The following TANC1 variants were observed in gnomAD, a reference collection of about 807,000 sequenced individuals.
TANC1 encodes tetratricopeptide repeat, ankyrin repeat and coiled-coil containing 1.
In TANC1, 77 loss-of-function variants were observed where a neutral mutation model predicts 149.7. The ratio of observed to expected loss-of-function variants is 0.51; its 90% CI spans 0.43 to 0.62. TANC1 has a LOEUF of 0.62. Ranked by LOEUF, TANC1 falls within the 20% of genes least tolerant of loss-of-function variation. The pLI is 0.00. For missense variants in TANC1, 1,985 were observed against 2,321.8 expected (o/e 0.85, Z 2.98); for synonymous variants, 854 against 925.0 (o/e 0.92, Z 1.39).
intron 1 of TANC1, among the ~76,000 whole-genome samples, chr2:158,982,121 A>G (rs2034458194): frequency 6.6e-6 from 1 of 152,184 alleles, no homozygotes; most frequent in African/African-American, 2.4e-5. Context: ...ATAGCTTAGT[A>G]TATATAAAGA....
At chr2:159,092,841 T>C (rs1179616940) in intron 3 of TANC1, among the ~76,000 whole-genome samples, 2 of 152,210 alleles carry the variant, frequency 1.3e-5, no homozygotes, top group South Asian at 2.1e-4. Flanking sequence ...AAATACTCAC[T>C]AAAAATGTGT....
chr2:159,130,312 TAAGTAA>T (rs1387208698), intron 4 of TANC1, among the ~76,000 whole-genome samples: 2 of 152,210 alleles, frequency 1.3e-5, no homozygotes, highest in African/African-American at 4.8e-5. Flanking sequence ...ACACTTGGTT[TAAGTAA>T]AAGGGGGAAG....
intron 3 of TANC1, among the ~76,000 whole-genome samples, chr2:159,091,838 C>T (rs1250975208): frequency 3.3e-5 from 5 of 152,070 alleles, no homozygotes; most frequent in African/African-American, 9.7e-5. Context: ...AAATGTTCTG[C>T]CTGAATGTTA....
At chr2:159,159,859 T>C (rs2053864705) in intron 7 of TANC1, among the ~76,000 whole-genome samples, 1 of 151,906 alleles carries the variant, frequency 6.6e-6, no homozygotes, top group Admixed American at 6.6e-5. Flanking sequence ...TACGCCCTGT[T>C]ATATTAAGAA....
chr2:159,199,537 C>T (rs1343591426), intron 19 of TANC1, among the ~76,000 whole-genome samples: 2 of 152,208 alleles, frequency 1.3e-5, no homozygotes, highest in African/African-American at 2.4e-5. Context: ...CATTACCGTA[C>T]GAATGCAAGC....
chr2:159,155,090 A>G (rs1037982801), intron 7 of TANC1, among the ~76,000 whole-genome samples: 3 of 152,268 alleles, frequency 2.0e-5, no homozygotes, highest in Non-Finnish European at 4.4e-5. Flanking sequence ...TCTGATTTTC[A>G]AACAAAGCAT....
chr2:159,143,918 G>C (rs1054131205), intron 5 of TANC1, among the ~76,000 whole-genome samples: 4 of 151,374 alleles, frequency 2.6e-5, no homozygotes. Flanking sequence ...TTAACATGAA[G>C]TTTTATAACA....
chr2:159,197,338 TTTAA>T (rs2057929929), intron 18 of TANC1, among the ~76,000 whole-genome samples: 1 of 152,234 alleles, frequency 6.6e-6, no homozygotes, highest in Non-Finnish European at 1.5e-5. Flanking sequence ...AGTTTGAAGA[TTTAA>T]TTGTCACCTC....
intron 4 of TANC1, among the ~76,000 whole-genome samples, chr2:159,105,803 T>G (rs2047123167): frequency 6.6e-6 from 1 of 152,206 alleles, no homozygotes; most frequent in Non-Finnish European, 1.5e-5. Flanking sequence ...GGGCCAAAAC[T>G]TACTTGTTTA....
chr2:159,199,815 T>A (rs1330027888), intron 19 of TANC1, among the ~76,000 whole-genome samples: 1 of 152,240 alleles, frequency 6.6e-6, no homozygotes, highest in Non-Finnish European at 1.5e-5. Flanking sequence ...CAGATTTGTT[T>A]CCAAATGCTT....
chr2:159,006,345 T>C (rs2037181221), intron 2 of TANC1, among the ~76,000 whole-genome samples: 1 of 147,668 alleles, frequency 6.8e-6, no homozygotes, highest in Non-Finnish European at 1.5e-5. Flanking sequence ...GAACACTACA[T>C]TAATACAAAA....
rs982455616 is a variant in TANC1, at chr2:159,148,166, A to G, written c.365-976A>G. 7 of 152,236 alleles carry G rather than the reference A, an allele frequency of 4.6e-5. No individual in the cohort carries two copies. In the South Asian group the frequency reaches 6.2e-4, roughly 13 times the overall value. 9.4% of individuals were successfully genotyped at this position (152,236 alleles called of 1,614,324 possible). A position where few individuals can be genotyped will look rare whatever the true frequency, so the allele number is the denominator to read the frequency against. On this transcript the variant is annotated intron_variant, in intron 5 of 26. Transcript: ENST00000263635. ...AAAAAGAGCAAAATGTTGAGTGACT[A>G]TGTCATAGGTTACTTATTGTTAAGT...
At chr2:159,072,954 G>A (rs938059237) in intron 3 of TANC1, among the ~76,000 whole-genome samples, 3 of 152,304 alleles carry the variant, frequency 2.0e-5, no homozygotes, top group Non-Finnish European at 4.4e-5. Flanking sequence ...AACTGGGGAA[G>A]CTCTGAGTCA....
chr2:159,176,896 G>A (rs984086914), intron 13 of TANC1, among the ~76,000 whole-genome samples: 2 of 143,120 alleles, frequency 1.4e-5, no homozygotes, highest in Non-Finnish European at 3.0e-5. Flanking sequence ...AGGGAAAAAT[G>A]AAGGTGAAAG....
chr2:159,192,649 T>C (rs989330577), intron 16 of TANC1, among the ~76,000 whole-genome samples: 30 of 152,106 alleles, frequency 2.0e-4, no homozygotes, highest in Non-Finnish European at 4.3e-4. Context: ...TTTTTTGTTT[T>C]TGTTTTTGTT....
At chr2:159,117,636 C>T (rs1188932515) in intron 4 of TANC1, among the ~76,000 whole-genome samples, 1 of 151,464 alleles carries the variant, frequency 6.6e-6, no homozygotes. Context: ...GACCTCGTGA[C>T]CCGCCTGCCT....
chr2:159,115,194 G>GTGTGTA (rs1372841906), intron 4 of TANC1, among the ~76,000 whole-genome samples: 1 of 151,804 alleles, frequency 6.6e-6, no homozygotes, highest in Non-Finnish European at 1.5e-5. Context: ...GTGTGTGTGT[G>GTGTGTA]TGTATGTGTG....
chr2:159,032,516 T>C (rs1211111155), intron 2 of TANC1, among the ~76,000 whole-genome samples: 1 of 152,208 alleles, frequency 6.6e-6, no homozygotes, highest in Non-Finnish European at 1.5e-5. Flanking sequence ...TGCTTTTTTT[T>C]TGGCGTCCTT....
intron 1 of TANC1, among the ~76,000 whole-genome samples, chr2:158,994,188 A>T (rs2035935777): frequency 6.6e-6 from 1 of 152,198 alleles, no homozygotes; most frequent in Non-Finnish European, 1.5e-5. Context: ...CCATAGAAGC[A>T]AGAATCTCTT....
Sources: gnomAD v4.1 joint callset for allele counts (sites outside exome capture counted in the v4.1 genomes callset) on GRCh38, gnomAD v4.1.1 for gene constraint, MANE v1.5 for transcripts, NCBI Gene and HGNC (gene_info 2026-07-23, HGNC 2026-07-21) for gene names.